The following LDB3 variants were observed in gnomAD, a reference collection of about 807,000 sequenced individuals.
LDB3 encodes the protein LIM domain binding 3.
A neutral mutation model predicts 69.0 loss-of-function variants in LDB3; 49 were observed. The observed-to-expected ratio is 0.71, with a 90% CI of 0.56 to 0.90. The LOEUF is 0.90. Ranked by LOEUF, LDB3 falls within the 40% of genes least tolerant of loss-of-function variation. LDB3 has a pLI of 0.00. For synonymous variants in LDB3, 387 were observed against 396.2 expected (o/e 0.98, Z 0.28); for missense variants, 928 against 974.1 (o/e 0.95, Z 0.63).
At position 86,686,876 on chromosome 10, in the gene LDB3, A is replaced by T. The variant is rs1578895; in HGVS notation, c.690-5020A>T. Among the ~76,000 whole-genome samples the T allele has an allele frequency of 0.63, 95,630 of 151,052 alleles. 31,546 individuals are homozygous for T. The highest frequency in any genetic ancestry group is 0.74 in the Non-Finnish European group (50,505 of 67,822). ...TGGGCTTTGGGGGAGGGTGCCAAGG[A>T]TTTTCTTGAATACACCCAGACCACC... is the stretch of plus-strand genomic sequence containing the variant. On this transcript the variant is annotated intron_variant, in intron 5 of 13. Coordinates refer to ENST00000361373, the MANE Select transcript of LDB3 (RefSeq NM_007078.3).
intron 2 of LDB3, among the ~76,000 whole-genome samples, chr10:86,669,846 C>G (rs979902392): frequency 6.6e-6 from 1 of 152,200 alleles, no homozygotes; most frequent in Admixed American, 6.5e-5. Context: ...GGGCTACTGC[C>G]CACCAGGGGA....
At chr10:86,682,527 G>A (rs768373098) in intron 5 of LDB3, among the ~76,000 whole-genome samples, 17 of 152,098 alleles carry the variant, frequency 1.1e-4, no homozygotes, top group Middle Eastern at 3.2e-3. Flanking sequence ...GCAAAGGAAC[G>A]GAGTCCCCAC....
chr10:86,668,907 C>A, intron 2 of LDB3, 123 bp downstream of exon 2: 1 of 766,684 alleles, frequency 1.3e-6, no homozygotes, highest in Non-Finnish European at 2.2e-6. Flanking sequence ...GCCCCATCCC[C>A]TGGGACTGGC....
chr10:86,688,050 CGTGTGTGTGT>C (rs71487273), intron 5 of LDB3, among the ~76,000 whole-genome samples: 9 of 102,894 alleles, frequency 8.7e-5, no homozygotes, highest in Admixed American at 1.0e-4. Context: ...CCCCGACCCT[CGTGTGTGTGT>C]GTGTGTGTGT....
intron 2 of LDB3, among the ~76,000 whole-genome samples, chr10:86,670,695 G>T (rs979328192): frequency 6.6e-6 from 1 of 152,222 alleles, no homozygotes; most frequent in Non-Finnish European, 1.5e-5. Context: ...TGGATCCAAT[G>T]ACTGTGGGGA....
rs766678138 is a variant in LDB3 at position 86,718,792 on chromosome 10, G to A, written c.1923G>A (p.Lys641=). 1 of 1,614,054 alleles carries A rather than the reference G, an allele frequency of 6.2e-7. No homozygotes were observed. Among genetic ancestry groups the A allele is most frequent in the African/African-American group, 1.3e-5 (1 of 74,930 alleles). The change falls in exon 12 of 14, where the codon AAG becomes AAA. Residue 641 remains lysine, a synonymous_variant. Transcript: ENST00000361373. ...GCTTCGTCTGTGCGGCCTGCAAGAA[G>A]CCTTTTGGGAACAGCCTCTTCCACA... The part of the protein sequence containing the change: ...TTCFVCAACK[K]PFGNSLFHME...
chr10:86,671,060 C>A (rs1226002651), intron 2 of LDB3, among the ~76,000 whole-genome samples: 1 of 152,230 alleles, frequency 6.6e-6, no homozygotes, highest in Non-Finnish European at 1.5e-5. Context: ...AACCCCACTC[C>A]CACCCCAGCC....
intron 2 of LDB3, among the ~76,000 whole-genome samples, chr10:86,671,846 C>T (rs1173361148): frequency 6.6e-6 from 1 of 152,224 alleles, no homozygotes; most frequent in Non-Finnish European, 1.5e-5. Context: ...GGCGCGGTGC[C>T]TCATGCCTGT....
chr10:86,668,407 A>G (rs1323362639), upstream of LDB3: 6 of 516,172 alleles, frequency 1.2e-5, no homozygotes, highest in Middle Eastern at 5.5e-4. Context: ...GTCATGGTGG[A>G]CCGGCTGGGA....
At chr10:86,672,992 T>A (rs1157476440) in intron 2 of LDB3, among the ~76,000 whole-genome samples, 1 of 152,148 alleles carries the variant, frequency 6.6e-6, no homozygotes, top group Non-Finnish European at 1.5e-5. Context: ...TTCTGCATGG[T>A]CCCCTCTCAT....
intron 7 of LDB3, among the ~76,000 whole-genome samples, chr10:86,695,099 A>G (rs1202670087): frequency 6.6e-6 from 1 of 151,978 alleles, no homozygotes; most frequent in East Asian, 1.9e-4. Flanking sequence ...GCATGGTGAC[A>G]CCTACACAGT....
Position 86,724,629 on chromosome 10 carries a change from T to A in LDB3, c.1979-1508T>A, listed in dbSNP as rs556437529. Reference sequence around the variant, plus strand: ...AAAAAAAATAAAAATAAAAAATAAATAAATAAATAAATAAAATAAATAGAT... The same window carrying A: ...AAAAAAAATAAAAATAAAAAATAAAAAAATAAATAAATAAAATAAATAGAT... On this transcript the variant is annotated intron_variant, in intron 12 of 13. Transcript: ENST00000361373. Among the ~76,000 whole-genome samples, 1,317 of 150,842 alleles carry A rather than the reference T, an allele frequency of 8.7e-3. 23 individuals carry two copies. Among genetic ancestry groups the A allele is most frequent in the African/African-American group, 0.029 (1,202 of 41,214 alleles).
At position 86,681,804 on chromosome 10, in the gene LDB3, G is replaced by A. The variant is rs779630176; in HGVS notation, c.689+1G>A. Reference sequence around the variant, plus strand: ...CCTCGGGTGTCGGACTCCCAGGAGGGTAGGTAACGGACATACAGCTCTCCA... The same window carrying A: ...CCTCGGGTGTCGGACTCCCAGGAGGATAGGTAACGGACATACAGCTCTCCA... On this transcript the variant is annotated splice_donor_variant, in intron 5 of 13. Transcript: ENST00000361373. LOFTEE classifies it high-confidence loss of function. 6.3e-7 allele frequency: 1 copy of A among 1,591,462 alleles called. No individual in the cohort carries two copies. The highest frequency in any genetic ancestry group is 8.5e-7 in the Non-Finnish European group (1 of 1,170,102).
intron 2 of LDB3, among the ~76,000 whole-genome samples, chr10:86,670,806 G>T (rs114756775): frequency 7.2e-5 from 11 of 152,226 alleles, no homozygotes; most frequent in African/African-American, 2.4e-4. Flanking sequence ...CACCTAAGCC[G>T]CGGAGCAGGC....
chr10:86,715,795 AT>A lies in LDB3; in HGVS notation c.1232-530del, dbSNP rs536445692. 1.6e-3 allele frequency among the ~76,000 whole-genome samples: 251 copies of A among 152,250 alleles called. 1 individual carries two copies. The highest frequency in any genetic ancestry group is 5.9e-3 in the African/African-American group (244 of 41,530). The stretch of plus-strand genomic sequence containing the variant: ...AGCCAAGCTGTTTTTCAAGAAAGTA[AT>A]TGTAGCTAAACCTGAAACCTGAACC... On this transcript the variant is annotated intron_variant, in intron 9 of 13. Coordinates refer to ENST00000361373, the MANE Select transcript of LDB3 (RefSeq NM_007078.3).
chr10:86,687,002 T>G, intron 5 of LDB3: 3 of 1,501,442 alleles, frequency 2.0e-6, no homozygotes, highest in African/African-American at 1.4e-5. Context: ...TGGCCACCCA[T>G]GTAACCGCCA....
intron 8 of LDB3, 36 bp downstream of exon 8, chr10:86,706,755 G>C: frequency 1.3e-6 from 2 of 1,581,814 alleles, no homozygotes; most frequent in Non-Finnish European, 1.7e-6. Flanking sequence ...TGACCCTGGG[G>C]AAGGGAGGCA....
intron 5 of LDB3, chr10:86,687,060 C>T (rs1032680887): frequency 6.2e-7 from 1 of 1,613,756 alleles, no homozygotes; most frequent in Middle Eastern, 1.7e-4. Context: ...TCCCGCACCC[C>T]TCCCCCAGCG....
chr10:86,680,988 G>A (rs1217451633), intron 4 of LDB3, among the ~76,000 whole-genome samples: 1 of 152,212 alleles, frequency 6.6e-6, no homozygotes, highest in African/African-American at 2.4e-5. Flanking sequence ...CAATTCCTCA[G>A]CTTCCCTCCT....
Sources: gnomAD v4.1 joint callset for allele counts (sites outside exome capture counted in the v4.1 genomes callset) on GRCh38, gnomAD v4.1.1 for gene constraint, MANE v1.5 for transcripts, NCBI Gene and HGNC (gene_info 2026-07-23, HGNC 2026-07-21) for gene names.